The following TMEM268 variants were observed in gnomAD, a reference collection of about 807,000 sequenced individuals.
TMEM268 encodes the protein transmembrane protein 268, also known as transmembrane protein C9orf91.
Under a neutral mutation model 39.1 loss-of-function variants are expected in TMEM268, and 24 were observed. That is an observed-to-expected ratio of 0.61 (90% CI 0.44 to 0.86). The LOEUF (loss-of-function observed/expected upper bound fraction) is 0.86. Ranked by LOEUF, TMEM268 falls within the 40% of genes least tolerant of loss-of-function variation. TMEM268 has a pLI of 0.00. For synonymous variants in TMEM268, 176 were observed against 173.5 expected (o/e 1.01, Z -0.12); for missense variants, 409 against 428.6 (o/e 0.95, Z 0.40).
the TMEM268 span, among the ~76,000 whole-genome samples, chr9:114,604,352 T>C: frequency 1.4e-5 from 2 of 145,576 alleles, no homozygotes; most frequent in Admixed American, 1.4e-4. Flanking sequence ...CCGAGGCTGG[T>C]GGATCATTTG....
intron 2 of TMEM268, among the ~76,000 whole-genome samples, chr9:114,620,083 C>T (rs545840460): frequency 9.9e-5 from 15 of 151,890 alleles, no homozygotes; most frequent in East Asian, 9.8e-4. Context: ...GGTGTGGTGG[C>T]GCACACCTGT....
In TMEM268 at chr9:114,636,989, G is replaced by C; in HGVS notation, c.586-1G>C. ...GTGGTCACTGCTGCTTCTCCCCACA[G>C]CTTTGGTTTGTCTACTTCGACCTGG... On this transcript the variant is annotated splice_acceptor_variant, in intron 6 of 8. Coordinates refer to ENST00000288502, the MANE Select transcript of TMEM268 (RefSeq NM_153045.4). LOFTEE classifies it high-confidence loss of function. 3 of 1,612,268 alleles carry C rather than the reference G, an allele frequency of 1.9e-6. No homozygotes were observed. Among genetic ancestry groups the C allele is most frequent in the Non-Finnish European group, 1.7e-6 (2 of 1,178,528 alleles).
chr9:114,610,599 C>T (rs2133575197), upstream of TMEM268, among the ~76,000 whole-genome samples: 1 of 152,256 alleles, frequency 6.6e-6, no homozygotes, highest in South Asian at 2.1e-4. Context: ...GTGTTTTCCT[C>T]AGGGGAAAGG....
At chr9:114,637,585 C>T (rs1249681260) in intron 7 of TMEM268, among the ~76,000 whole-genome samples, 3 of 152,024 alleles carry the variant, frequency 2.0e-5, no homozygotes, top group Admixed American at 6.6e-5. Context: ...TGAGCCACCA[C>T]GCCCGGCCAT....
In TMEM268 at chr9:114,643,367, C is replaced by T. The variant is rs1827441894; in HGVS notation, c.*54C>T. 1 of 1,554,906 alleles carries T rather than the reference C, an allele frequency of 6.4e-7. No homozygotes were observed. The highest frequency in any genetic ancestry group is 1.1e-5 in the South Asian group (1 of 88,112). ...CAAGACTGAGCAGTCAGGAAGGCTT[C>T]AGGAGCCCAAGATGGCCAATGGGGA... On this transcript the variant is annotated 3_prime_UTR_variant, in exon 9 of 9. Transcript: ENST00000288502.
chr9:114,632,718 C>T (rs1384011901), intron 5 of TMEM268, among the ~76,000 whole-genome samples: 2 of 152,184 alleles, frequency 1.3e-5, no homozygotes, highest in Non-Finnish European at 2.9e-5. Context: ...ACAGATCAAA[C>T]CCATTTGATC....
chr9:114,610,042 ATT>A (rs112492997), upstream of TMEM268, among the ~76,000 whole-genome samples: 1 of 145,832 alleles, frequency 6.9e-6, no homozygotes, highest in Non-Finnish European at 1.5e-5. Flanking sequence ...GGTTTTTGCA[ATT>A]TTTTTTTTTT....
chr9:114,611,299 G>A lies in TMEM268; in HGVS notation c.-344G>A, dbSNP rs1183127499. ...CGGGGGGGCGCTCGGCTGATGAAAC[G>A]CGGCCTCCAGCTCCGCTCCGCCGCG... On this transcript the variant is annotated 5_prime_UTR_variant, in exon 1 of 9. Transcript: ENST00000288502. The A allele has an allele frequency of 6.6e-6, 1 of 152,126 alleles. No individual in the cohort carries two copies. Among genetic ancestry groups the A allele is most frequent in the African/African-American group, 2.4e-5 (1 of 41,448 alleles). 9.4% of individuals were successfully genotyped at this position (152,126 alleles called of 1,614,324 possible). A position where few individuals can be genotyped will look rare whatever the true frequency, so the allele number is the denominator to read the frequency against.
At chr9:114,628,029 G>A in intron 4 of TMEM268, 72 bp from the exon 5 acceptor site, 1 of 1,544,358 alleles carries the variant, frequency 6.5e-7, no homozygotes, top group Non-Finnish European at 8.9e-7. Context: ...TCTGAAAGGT[G>A]TCCCTTTGAA....
upstream of TMEM268, among the ~76,000 whole-genome samples, chr9:114,608,296 A>G (rs1487116610): frequency 2.6e-5 from 4 of 152,250 alleles, no homozygotes; most frequent in African/African-American, 9.6e-5. Context: ...CTCCCAGATT[A>G]GCAGTTATCT....
intron 5 of TMEM268, among the ~76,000 whole-genome samples, chr9:114,628,884 T>G (rs182553129): frequency 1.4e-3 from 211 of 152,338 alleles, no homozygotes; most frequent in Non-Finnish European, 1.3e-3. Flanking sequence ...TGATTTTAAT[T>G]GTTTTCTGTC....
In TMEM268 at chr9:114,626,888, G is replaced by A. The variant is rs541958711; in HGVS notation, c.217-11G>A. On this transcript the variant is annotated splice_polypyrimidine_tract_variant and intron_variant, in intron 3 of 8. Transcript: ENST00000288502. ...GCGGCTGATTGATCTCTTTCCCTGG[G>A]TTCCAAGCAGGTCCCGGCTGACCAG... The A allele has an allele frequency of 8.5e-5, 135 of 1,594,764 alleles. 2 individuals are homozygous for A. In the South Asian group the frequency reaches 1.1e-3, roughly 13 times the overall value.
In TMEM268 at chr9:114,621,146, T is replaced by G. The variant is rs1459142286; in HGVS notation, c.107-3204T>G. ...TGAGCCCAGGAATTTGAGACCAGGC[T>G]GGGCAACATAGTGACCTCATCTCTA... On this transcript the variant is annotated intron_variant, in intron 2 of 8. Coordinates refer to ENST00000288502, the MANE Select transcript of TMEM268 (RefSeq NM_153045.4). Among the ~76,000 whole-genome samples, 4 of 151,906 alleles carry G rather than the reference T, an allele frequency of 2.6e-5. No individual in the cohort carries two copies. The East Asian group carries it at 7.7e-4, about 29-fold the overall frequency.
chr9:114,643,166 C>T lies in TMEM268; in HGVS notation c.882C>T (p.Gly294=), dbSNP rs199790182. The part of the protein sequence containing the change: ...EMARQLLAVF[G]GYYIRLLVTS... ...CCCGCCAGCTGCTGGCAGTGTTTGG[C>T]GGCTACTACATCCGGCTTCTAGTGA... is the stretch of plus-strand genomic sequence containing the variant. The change falls in exon 9 of 9, where the codon GGC becomes GGT. Residue 294 remains glycine (G), a synonymous_variant. Transcript: ENST00000288502. The T allele has an allele frequency of 3.1e-6, 5 of 1,614,138 alleles. No homozygotes were observed. Among genetic ancestry groups the T allele is most frequent in the East Asian group, 2.2e-5 (1 of 44,886 alleles).
intron 6 of TMEM268, among the ~76,000 whole-genome samples, chr9:114,635,678 CA>C (rs879370103): frequency 6.8e-5 from 10 of 147,504 alleles, no homozygotes; most frequent in African/African-American, 9.9e-5. Flanking sequence ...GACCCTGTCT[CA>C]AAAAAAAAAG....
At chr9:114,619,836 C>G (rs915395410) in intron 2 of TMEM268, among the ~76,000 whole-genome samples, 1 of 152,084 alleles carries the variant, frequency 6.6e-6, no homozygotes. Context: ...TAGTAAATGG[C>G]TCCACATCCA....
At chr9:114,624,328 G>A in intron 2 of TMEM268, 22 bp from the exon 3 acceptor site, 2 of 1,577,168 alleles carry the variant, frequency 1.3e-6, no homozygotes, top group Non-Finnish European at 1.7e-6. Context: ...TCAGCCAGAT[G>A]AAGCTTCTGG....
rs1333599345 is a variant in TMEM268, at chr9:114,645,262, C to T, written c.*1949C>T. 6.6e-6 allele frequency: 1 copy of T among 152,490 alleles called. No homozygotes were observed. Among genetic ancestry groups the T allele is most frequent in the African/African-American group, 2.4e-5 (1 of 41,590 alleles). The allele number at this position is 152,490 out of a possible 1,614,324, so 9.4% of individuals were successfully genotyped here. On this transcript the variant is annotated 3_prime_UTR_variant, in exon 9 of 9. Transcript: ENST00000288502. Reference sequence around the variant, plus strand: ...TCCTAGGACACCCTTGGACAGAAGACTGGCCTACCTAGCAGACCTGGATTT... The same window carrying T: ...TCCTAGGACACCCTTGGACAGAAGATTGGCCTACCTAGCAGACCTGGATTT...
intron 3 of TMEM268, among the ~76,000 whole-genome samples, chr9:114,626,107 G>A (rs1371896071): frequency 1.3e-5 from 2 of 152,158 alleles, no homozygotes; most frequent in African/African-American, 2.4e-5. Context: ...TTACAGGTGT[G>A]AGCCACCGTG....
Sources: allele counts gnomAD v4.1 joint callset (sites outside exome capture counted in the v4.1 genomes callset), GRCh38; gene constraint gnomAD v4.1.1; transcripts MANE v1.5; gene names NCBI Gene and HGNC (gene_info 2026-07-23, HGNC 2026-07-21).